DLGAP2: variants seen among roughly 807,000 people sequenced by gnomAD.
DLGAP2 encodes DLG associated protein 2, also known as disks large-associated protein 2.
Under a neutral mutation model 100.3 loss-of-function variants are expected in DLGAP2, and 26 were observed. The ratio of observed to expected loss-of-function variants is 0.26; its 90% CI spans 0.19 to 0.36. The LOEUF is 0.36. Ranked by LOEUF, DLGAP2 falls within the 10% of genes least tolerant of loss-of-function variation. The pLI is 1.00. For synonymous variants in DLGAP2, 886 were observed against 630.1 expected, an observed-to-expected ratio of 1.41 and a Z score of -6.08; for missense variants, 1,858 against 1,453.2, an observed-to-expected ratio of 1.28 and a Z score of -4.53.
intron 3 of DLGAP2, among the ~76,000 whole-genome samples, chr8:1,419,201 CGTGCGTGTGTGTGTGTGT>C (rs1272548653): frequency 2.2e-5 from 3 of 133,350 alleles, no homozygotes; most frequent in African/African-American, 9.4e-5. Flanking sequence ...CACTCTGATG[CGTGCGTGTGTGTGTGTGT>C]GTGTGTGTGT....
At chr8:944,258 C>T (rs2129005935) in intron 2 of DLGAP2, among the ~76,000 whole-genome samples, 1 of 151,844 alleles carries the variant, frequency 6.6e-6, no homozygotes, top group East Asian at 2.0e-4. Context: ...GTAATTGATC[C>T]TTGTGGGTGA....
intron 3 of DLGAP2, among the ~76,000 whole-genome samples, chr8:1,326,613 T>A (rs937231947): frequency 6.6e-6 from 1 of 152,106 alleles, no homozygotes; most frequent in Admixed American, 6.6e-5. Flanking sequence ...TCGGTCTCAG[T>A]CTTGGTCTGG....
Position 1,565,858 on chromosome 8 carries a change from A to G in DLGAP2, c.1406A>G (p.Lys469Arg). Residue 469 changes from lysine to arginine, a missense_variant, in exon 6 of 15, where the codon AAG becomes AGG. Physicochemically the swap from Lys to Arg is conservative, Grantham distance 26 (BLOSUM62 2). Coordinates refer to ENST00000637795, the MANE Select transcript of DLGAP2 (RefSeq NM_001346810.2). ...KSAILPEPLL[K>R]SIGQRPLGEH... is the part of the protein sequence containing the mutation. ...GCAATCCTACCAGAGCCGCTGCTGA[A>G]GTCCATCGGACAGAGACCGCTTGGA... The G allele has an allele frequency of 6.2e-7, 1 of 1,612,012 alleles. No individual in the cohort carries two copies. The highest frequency in any genetic ancestry group is 1.1e-5 in the South Asian group (1 of 90,618).
intron 1 of DLGAP2, among the ~76,000 whole-genome samples, chr8:818,723 T>C (rs1050666918): frequency 2.0e-5 from 3 of 152,190 alleles, no homozygotes; most frequent in Non-Finnish European, 4.4e-5. Flanking sequence ...TGTGGCAAGA[T>C]TTATAAAGAA....
chr8:1,362,220 C>T (rs1343852794), intron 3 of DLGAP2, among the ~76,000 whole-genome samples: 1 of 152,062 alleles, frequency 6.6e-6, no homozygotes, highest in Admixed American at 6.5e-5. Flanking sequence ...TCCTCGGGAA[C>T]TGTGGGTGGG....
intron 3 of DLGAP2, among the ~76,000 whole-genome samples, chr8:1,325,916 T>C (rs1443477023): frequency 6.6e-6 from 1 of 152,202 alleles, no homozygotes; most frequent in Non-Finnish European, 1.5e-5. Context: ...TTTATTGTAG[T>C]GGTAACTACA....
intron 3 of DLGAP2, among the ~76,000 whole-genome samples, chr8:1,325,310 A>G (rs1163277483): frequency 6.6e-6 from 1 of 152,100 alleles, no homozygotes; most frequent in Non-Finnish European, 1.5e-5. Flanking sequence ...AAGTTCCCAA[A>G]CAACTTAGCA....
intron 2 of DLGAP2, among the ~76,000 whole-genome samples, chr8:931,887 A>G (rs1363201947): frequency 1.3e-5 from 2 of 152,190 alleles, no homozygotes; most frequent in African/African-American, 2.4e-5. Flanking sequence ...TTTTGCTGGA[A>G]TTCATTTGGC....
chr8:1,245,474 G>T (rs930416231), intron 2 of DLGAP2, among the ~76,000 whole-genome samples: 3 of 152,194 alleles, frequency 2.0e-5, no homozygotes, highest in African/African-American at 7.2e-5. Context: ...CATTTTCTAC[G>T]TGAAAGAAGC....
chr8:1,154,285 A>G (rs986337088), intron 2 of DLGAP2, among the ~76,000 whole-genome samples: 4 of 152,160 alleles, frequency 2.6e-5, no homozygotes, highest in African/African-American at 9.7e-5. Context: ...GAGCTGAGTT[A>G]CTGACCTGGG....
At chr8:1,275,354 T>G (rs1799660936) in intron 3 of DLGAP2, among the ~76,000 whole-genome samples, 1 of 141,898 alleles carries the variant, frequency 7.0e-6, no homozygotes. Flanking sequence ...GCAGGGAATT[T>G]GGAATGGAAA....
At chr8:789,185 C>G (rs566679428) in intron 1 of DLGAP2, among the ~76,000 whole-genome samples, 36 of 152,302 alleles carry the variant, frequency 2.4e-4, no homozygotes, top group African/African-American at 8.4e-4. Flanking sequence ...CTTTCTCACT[C>G]TGCTATAAAG....
At chr8:764,272 G>A (rs1202760023) in intron 1 of DLGAP2, among the ~76,000 whole-genome samples, 3 of 152,102 alleles carry the variant, frequency 2.0e-5, no homozygotes, top group African/African-American at 7.2e-5. Flanking sequence ...AGGAAGTGTG[G>A]GGTACAACAT....
intron 3 of DLGAP2, chr8:1,296,251 T>C (rs1250929362): frequency 6.6e-6 from 1 of 151,966 alleles, no homozygotes; most frequent in African/African-American, 2.4e-5. Context: ...TCAGCACTCT[T>C]GTTGAATAGA....
chr8:1,182,834 G>C (rs1445381241), intron 2 of DLGAP2, among the ~76,000 whole-genome samples: 6 of 152,220 alleles, frequency 3.9e-5, no homozygotes, highest in African/African-American at 1.4e-4. Context: ...TGGCGCGTGG[G>C]GGACGGACTC....
intron 2 of DLGAP2, among the ~76,000 whole-genome samples, chr8:1,233,940 G>T (rs1036430588): frequency 2.6e-5 from 4 of 152,182 alleles, no homozygotes; most frequent in Admixed American, 6.5e-5. Context: ...AAGGACTTAA[G>T]GTGTCCTAGG....
At chr8:1,381,770 G>A (rs190446614) in intron 3 of DLGAP2, among the ~76,000 whole-genome samples, 57 of 145,490 alleles carry the variant, frequency 3.9e-4, no homozygotes, top group African/African-American at 1.4e-3. Flanking sequence ...TAGTAAATCT[G>A]AGGGTTATTC....
intron 6 of DLGAP2, among the ~76,000 whole-genome samples, chr8:1,571,644 T>A (rs1390192643): frequency 8.3e-6 from 1 of 120,354 alleles, no homozygotes; most frequent in African/African-American, 3.3e-5. Context: ...TATGGGGGCA[T>A]CTGATGAGAT....
At chr8:1,459,830 T>C (rs1322258111) in intron 3 of DLGAP2, among the ~76,000 whole-genome samples, 1 of 151,838 alleles carries the variant, frequency 6.6e-6, no homozygotes, top group Non-Finnish European at 1.5e-5. Context: ...GAATTGCAGG[T>C]GCGCACCACC....
Sources: allele counts gnomAD v4.1 joint callset (sites outside exome capture counted in the v4.1 genomes callset), GRCh38; gene constraint gnomAD v4.1.1; transcripts MANE v1.5; gene names NCBI Gene and HGNC (gene_info 2026-07-23, HGNC 2026-07-21).